The following AK3 variants were observed in gnomAD, a reference collection of about 807,000 sequenced individuals.
The protein encoded by AK3 is GTP:AMP phosphotransferase AK3, mitochondrial.
Under a neutral mutation model 23.7 loss-of-function variants are expected in AK3, and 27 were observed. The ratio of observed to expected loss-of-function variants is 1.14; its 90% CI spans 0.84 to 1.57. AK3 has a LOEUF of 1.57. Among genes scored for constraint, AK3 ranks in the 40% most tolerant of loss-of-function variants. The probability of loss-of-function intolerance (pLI) is 0.00; values close to 1 mark genes in which losing one functional copy is unlikely to be tolerated. For synonymous variants in AK3, 159 were observed against 116.0 expected, an observed-to-expected ratio of 1.37 and a Z score of -2.38; for missense variants, 406 against 285.6, an observed-to-expected ratio of 1.42 and a Z score of -3.04.
chr9:4,717,359 C>G (rs1841764250), intron 4 of AK3, among the ~76,000 whole-genome samples: 2 of 152,156 alleles, frequency 1.3e-5, no homozygotes, highest in Non-Finnish European at 2.9e-5. Flanking sequence ...CAGTACGGTT[C>G]CTATACGTGT....
intron 1 of AK3, among the ~76,000 whole-genome samples, chr9:4,739,383 G>C (rs972032760): frequency 6.6e-6 from 1 of 151,130 alleles, no homozygotes; most frequent in African/African-American, 2.4e-5. Context: ...TTATAGAGAC[G>C]CAGTTTCACC....
intron 2 of AK3, 50 bp from the exon 3 acceptor site, chr9:4,719,357 G>A: frequency 1.7e-6 from 2 of 1,144,868 alleles, no homozygotes; most frequent in South Asian, 1.5e-5. Context: ...AGGAAGTATG[G>A]GGTGGGGGTG....
chr9:4,729,620 G>A (rs1842108257), intron 1 of AK3, among the ~76,000 whole-genome samples: 1 of 152,038 alleles, frequency 6.6e-6, no homozygotes, highest in African/African-American at 2.4e-5. Context: ...GACTGCTCAA[G>A]CCTAAGAGTT....
rs367908486 is a variant in AK3, at chr9:4,722,402, C to G, written c.271+104G>C. On this transcript the variant is annotated intron_variant, in intron 2 of 4. Coordinates refer to ENST00000381809, the MANE Select transcript of AK3 (RefSeq NM_016282.4). Reference sequence around the variant, plus strand: ...AGGATAGTCCCAAGCACCCCTCTCCCCAAACCACCATCCTTGACGTCTGTC... The same window carrying G: ...AGGATAGTCCCAAGCACCCCTCTCCGCAAACCACCATCCTTGACGTCTGTC... 21 of 1,540,308 alleles carry G rather than the reference C, an allele frequency of 1.4e-5. No individual in the cohort carries two copies. In the African/African-American group the frequency reaches 1.5e-4, roughly 11 times the overall value.
intron 1 of AK3, among the ~76,000 whole-genome samples, chr9:4,736,825 G>A (rs1038308186): frequency 3.3e-5 from 5 of 152,054 alleles, no homozygotes; most frequent in Non-Finnish European, 5.9e-5. Context: ...CTTCAGGCAC[G>A]TGCCACCACA....
At chr9:4,721,722 G>C (rs1326397424) in intron 2 of AK3, among the ~76,000 whole-genome samples, 1 of 152,180 alleles carries the variant, frequency 6.6e-6, no homozygotes, top group African/African-American at 2.4e-5. Flanking sequence ...GCCTCCCAAA[G>C]TGCTGGAATT....
In AK3 at chr9:4,710,876, C is replaced by G. The variant is rs1841543795; in HGVS notation, c.*2100G>C. Reference sequence around the variant, plus strand: ...AGTGACCCAATTATGCCACTGCACTCTAGTCTGGGCAACAGAGTGAGGCCC... The same window carrying G: ...AGTGACCCAATTATGCCACTGCACTGTAGTCTGGGCAACAGAGTGAGGCCC... On this transcript the variant is annotated 3_prime_UTR_variant, in exon 5 of 5. Coordinates refer to ENST00000381809, the MANE Select transcript of AK3 (RefSeq NM_016282.4). The G allele has an allele frequency of 6.6e-6, 1 of 152,040 alleles. No homozygotes were observed. Among genetic ancestry groups the G allele is most frequent in the Non-Finnish European group, 1.5e-5 (1 of 68,022 alleles). The allele number at this position is 152,040 out of a possible 1,614,324, so 9.4% of individuals were successfully genotyped here.
Position 4,712,831 on chromosome 9 carries a change from G to A in AK3, c.*145C>T. 1 of 892,362 alleles carries A rather than the reference G, an allele frequency of 1.1e-6. No homozygotes were observed. Among genetic ancestry groups the A allele is most frequent in the South Asian group, 2.2e-5 (1 of 44,858 alleles). The allele number at this position is 892,362 out of a possible 1,614,324, so 55.3% of individuals were successfully genotyped here. ...ATCCGAATCATTTGGCACATCCTTA[G>A]TATCCAAAATAAAATCAGTAGAAAT... On this transcript the variant is annotated 3_prime_UTR_variant, in exon 5 of 5. Transcript: ENST00000381809.
intron 1 of AK3, among the ~76,000 whole-genome samples, chr9:4,736,686 C>G (rs1467893993): frequency 6.6e-6 from 1 of 151,734 alleles, no homozygotes; most frequent in African/African-American, 2.4e-5. Context: ...AGGGTTATGT[C>G]TCCTTTTTTT....
rs141090350 is a variant in AK3 at position 4,719,161 on chromosome 9, T to C, written c.418A>G (p.Ile140Val). The change falls in exon 3 of 5, where the codon ATT (isoleucine) becomes GTT (valine). Residue 140 changes from isoleucine (I) to valine (V), a missense_variant. Physicochemically the swap from Ile to Val is conservative, Grantham distance 29 (BLOSUM62 3). Coordinates refer to ENST00000381809, the MANE Select transcript of AK3 (RefSeq NM_016282.4). Reference protein sequence around the residue: ...IHPASGRVYNIEFNPPKTVGI... With the variant: ...IHPASGRVYNVEFNPPKTVGI... ...ACAGTTTTGGGAGGGTTGAATTCAA[T>C]GTTATAGACTCGGCCACTGGCGGGA... is the stretch of plus-strand genomic sequence containing the variant. 1.1e-5 allele frequency: 18 copies of C among 1,611,760 alleles called. No individual in the cohort carries two copies. In the East Asian group the frequency reaches 3.3e-4, roughly 30 times the overall value.
rs71326127 is a variant in AK3 at position 4,729,015 on chromosome 9, A to ATATATATATATAT, written c.152-6391_152-6390insATATATATATATA. Among the ~76,000 whole-genome samples, 67 of 129,404 alleles carry ATATATATATATAT rather than the reference A, an allele frequency of 5.2e-4. 1 individual carries two copies. The East Asian group carries it at 6.0e-3, about 12-fold the overall frequency. 84.9% of individuals were successfully genotyped at this position (129,404 alleles called of 152,430 possible). On this transcript the variant is annotated intron_variant, in intron 1 of 4. Transcript: ENST00000381809. ...CACACACACATATATATATATATAT[A>ATATATATATATAT]TTTTTTTTTTTTGAGACGGAATTTT...
At chr9:4,733,623 A>T (rs1270963736) in intron 1 of AK3, among the ~76,000 whole-genome samples, 1 of 152,178 alleles carries the variant, frequency 6.6e-6, no homozygotes, top group Non-Finnish European at 1.5e-5. Flanking sequence ...TCAGTGAAGC[A>T]TCCAGAAAGA....
At chr9:4,734,322 G>GTGGTTTAAA (rs1842220709) in intron 1 of AK3, among the ~76,000 whole-genome samples, 2 of 26,588 alleles carry the variant, frequency 7.5e-5, no homozygotes, top group Non-Finnish European at 2.1e-4. Context: ...AAGAAAATAA[G>GTGGTTTAAA]CCCCCTAGTG....
chr9:4,711,801 C>G lies in AK3; in HGVS notation c.*1175G>C, dbSNP rs1841569226. 6.6e-6 allele frequency: 1 copy of G among 152,158 alleles called. No homozygotes were observed. The highest frequency in any genetic ancestry group is 2.4e-5 in the African/African-American group (1 of 41,432). 9.4% of individuals were successfully genotyped at this position (152,158 alleles called of 1,614,324 possible). A position where few individuals can be genotyped will look rare whatever the true frequency, so the allele number is the denominator to read the frequency against. On this transcript the variant is annotated 3_prime_UTR_variant, in exon 5 of 5. Coordinates refer to ENST00000381809, the MANE Select transcript of AK3 (RefSeq NM_016282.4). ...TCAGACGACACCAATAGAGTTCTTTCTCCTTAAAATATGGTGGCAGTGAAT... is the reference window on the plus strand; with the variant it reads ...TCAGACGACACCAATAGAGTTCTTTGTCCTTAAAATATGGTGGCAGTGAAT...
Position 4,710,132 on chromosome 9 carries a change from C to T in AK3, c.*2844G>A, listed in dbSNP as rs1841512299. 6.6e-6 allele frequency: 1 copy of T among 152,070 alleles called. No individual in the cohort carries two copies. The highest frequency in any genetic ancestry group is 2.4e-5 in the African/African-American group (1 of 41,392). The allele number at this position is 152,070 out of a possible 1,614,324, so 9.4% of individuals were successfully genotyped here. On this transcript the variant is annotated 3_prime_UTR_variant, in exon 5 of 5. Transcript: ENST00000381809. ...CTAACAACTGCTAGTTTGCATTTCC[C>T]ACAGTACACGCTGCTTACAAAAGGT...
chr9:4,719,878 C>A (rs1214357122), intron 2 of AK3, among the ~76,000 whole-genome samples: 1 of 152,120 alleles, frequency 6.6e-6, no homozygotes, highest in African/African-American at 2.4e-5. Context: ...CCAGCCTAGC[C>A]AACATGGTGA....
In AK3 at chr9:4,722,429, G is replaced by A. The variant is rs895518931; in HGVS notation, c.271+77C>T. ...AAACCACCATCCTTGACGTCTGTCT[G>A]AAGCCCATGAAATGCTCATTCTCCT... On this transcript the variant is annotated intron_variant, in intron 2 of 4. Transcript: ENST00000381809. The A allele has an allele frequency of 3.7e-6, 6 of 1,601,770 alleles. No individual in the cohort carries two copies. In the Admixed American group the frequency reaches 5.1e-5, roughly 14 times the overall value.
rs1482205464 is a variant in AK3, at chr9:4,711,266, T to C, written c.*1710A>G. On this transcript the variant is annotated 3_prime_UTR_variant, in exon 5 of 5. Transcript: ENST00000381809. ...GCCCTGTGAAGGACCAAGAACAAAG[T>C]AATAGCCACAGTTATGAAATTTCAT... is the stretch of plus-strand genomic sequence containing the variant. The C allele has an allele frequency of 6.6e-6, 1 of 152,626 alleles. No homozygotes were observed. The highest frequency in any genetic ancestry group is 1.5e-5 in the Non-Finnish European group (1 of 68,036). The allele number at this position is 152,626 out of a possible 1,614,324, so 9.5% of individuals were successfully genotyped here. A position where few individuals can be genotyped will look rare whatever the true frequency, so the allele number is the denominator to read the frequency against.
rs539106203 is a variant in AK3, at chr9:4,712,854, A to C, written c.*122T>G. On this transcript the variant is annotated 3_prime_UTR_variant, in exon 5 of 5. Coordinates refer to ENST00000381809, the MANE Select transcript of AK3 (RefSeq NM_016282.4). ...TAGTATCCAAAATAAAATCAGTAGA[A>C]ATAAAAGTAATATAATTTTCAAAGA... is the stretch of plus-strand genomic sequence containing the variant. 64 of 1,138,552 alleles carry C rather than the reference A, an allele frequency of 5.6e-5. No homozygotes were observed. In the African/African-American group the frequency reaches 9.0e-4, roughly 16 times the overall value. The allele number at this position is 1,138,552 out of a possible 1,614,324, so 70.5% of individuals were successfully genotyped here.
Sources: gnomAD v4.1 joint callset for allele counts (sites outside exome capture counted in the v4.1 genomes callset) on GRCh38, gnomAD v4.1.1 for gene constraint, MANE v1.5 for transcripts, NCBI Gene and HGNC (gene_info 2026-07-23, HGNC 2026-07-21) for gene names.